DNAH5: variants seen among roughly 807,000 people sequenced by gnomAD.
The protein encoded by DNAH5 is dynein axonemal heavy chain 5, also known as axonemal beta dynein heavy chain 5.
In DNAH5, 372 loss-of-function variants were observed where a neutral mutation model predicts 518.2. The observed-to-expected ratio is 0.72, with a 90% confidence interval of 0.66 to 0.78. The LOEUF (loss-of-function observed/expected upper bound fraction) is 0.78, where lower values mean the gene tolerates loss of function less well. Ranked by LOEUF, DNAH5 falls within the 30% of genes least tolerant of loss-of-function variation. The pLI, the probability that DNAH5 is intolerant of heterozygous loss-of-function variation, is 0.00. For missense variants in DNAH5, 5,523 were observed against 5,687.0 expected, an observed-to-expected ratio of 0.97 and a Z score of 0.93; for synonymous variants, 2,039 against 2,025.9, an observed-to-expected ratio of 1.01 and a Z score of -0.17.
chr5:13,803,816 T>C (rs1759137504), intron 47 of DNAH5, among the ~76,000 whole-genome samples: 1 of 152,198 alleles, frequency 6.6e-6, no homozygotes, highest in Non-Finnish European at 1.5e-5. Context: ...CATGGTTACT[T>C]ATTTTATAGA....
rs375133229 is a variant in DNAH5 at position 13,721,231 on chromosome 5, G to A, written c.12048C>T (p.Ile4016=). 6.8e-6 allele frequency: 11 copies of A among 1,613,954 alleles called. No homozygotes were observed. Among genetic ancestry groups the A allele is most frequent in the African/African-American group, 4.0e-5 (3 of 74,900 alleles). Residue 4016 remains isoleucine, a synonymous_variant, in exon 71 of 79, where the codon ATC becomes ATT. Transcript: ENST00000265104. The stretch of plus-strand genomic sequence containing the variant: ...CATATTTTTCTCCCATGGAGTCCAC[G>A]ATGTACTTGCGGGCCTGCCAAAAAC... ...DRTIAQARKY[I]VDSMGEKYAE... is the part of the protein sequence containing the mutation.
intron 1 of DNAH5, among the ~76,000 whole-genome samples, chr5:14,008,083 A>G (rs1310473485): frequency 2.0e-5 from 3 of 152,072 alleles, no homozygotes; most frequent in Non-Finnish European, 2.9e-5. Context: ...GAGACAGGAA[A>G]ATCACTTGAA....
chr5:13,911,400 T>C lies in DNAH5; in HGVS notation c.1630A>G (p.Thr544Ala), dbSNP rs369145453. 3.7e-6 allele frequency: 6 copies of C among 1,613,592 alleles called. No homozygotes were observed. Among genetic ancestry groups the C allele is most frequent in the Non-Finnish European group, 4.2e-6 (5 of 1,179,624 alleles). ...ATACAACCTACATGAAGGTCATTAG[T>C]CTGCTTGCAAAACTCTTCGTAATCT... is the stretch of plus-strand genomic sequence containing the variant. ...DQDYEEFCKQ[T>A]NDLHNELRKF... is the part of the protein sequence containing the mutation. Residue 544 changes from threonine to alanine, a missense_variant, in exon 12 of 79, where the codon ACT (threonine) becomes GCT (alanine). Physicochemically the swap from Thr to Ala is moderately conservative, Grantham distance 58. Around this residue, in one of 3 missense-constraint regions of DNAH5, gnomAD observed 5,121 missense variants for 5,223.3 expected, o/e 0.98. Coordinates refer to ENST00000265104, the MANE Select transcript of DNAH5 (RefSeq NM_001369.3).
rs780868123 is a variant in DNAH5, at chr5:13,766,072, A to T, written c.10005T>A (p.Ser3335Arg). The change falls in exon 59 of 79, where the codon AGT (serine) becomes AGA (arginine). Residue 3335 changes from serine (S) to arginine (R), a missense_variant. Around this residue, in one of 3 missense-constraint regions of DNAH5, gnomAD observed 5,121 missense variants for 5,223.3 expected, o/e 0.98. Transcript: ENST00000265104. ...TTTTTTCCAGGTCAATTTTCACAGC[A>T]CTGACTTTCCTTTGAAACAGCAGCA... ...CVLLLFQRKVSAVKIDLEKSC... is the reference protein window; with the variant it reads ...CVLLLFQRKVRAVKIDLEKSC... 4 of 1,614,078 alleles carry T rather than the reference A, an allele frequency of 2.5e-6. No homozygotes were observed. Among genetic ancestry groups the T allele is most frequent in the Non-Finnish European group, 3.4e-6 (4 of 1,180,030 alleles).
At chr5:13,924,136 T>C (rs1476257804) in intron 3 of DNAH5, among the ~76,000 whole-genome samples, 1 of 152,172 alleles carries the variant, frequency 6.6e-6, no homozygotes, top group Non-Finnish European at 1.5e-5. Flanking sequence ...CAGCTCTGAC[T>C]ACAAAACTCG....
At chr5:13,811,611 T>TA (rs1760725722) in intron 44 of DNAH5, 36 bp downstream of exon 44, 1 of 1,597,932 alleles carries the variant, frequency 6.3e-7, no homozygotes, top group South Asian at 1.1e-5. Context: ...GCTAAGTTGA[T>TA]AAGAGAGAAT....
intron 65 of DNAH5, among the ~76,000 whole-genome samples, chr5:13,740,346 T>A (rs1002961544): frequency 8.6e-5 from 13 of 152,044 alleles, no homozygotes; most frequent in African/African-American, 3.1e-4. Context: ...ACATACTTCC[T>A]CTCTCAAAAC....
Position 13,839,509 on chromosome 5 carries a change from C to T in DNAH5, c.5729G>A (p.Ser1910Asn), listed in dbSNP as rs1314064272. The T allele has an allele frequency of 6.2e-7, 1 of 1,613,810 alleles. No individual in the cohort carries two copies. Among genetic ancestry groups the T allele is most frequent in the Admixed American group, 1.7e-5 (1 of 60,000 alleles). Residue 1910 changes from serine (S) to asparagine (N), a missense_variant, in exon 35 of 79, where the codon AGT becomes AAT. This residue lies in a region of DNAH5 where 5,121 missense variants were observed against 5,223.3 expected (regional missense o/e 0.98). Transcript: ENST00000265104. ...TTTCAGCCACTCAAAGTCCATGGGACTCTTGATATGCATATGACACTGAAA... is the reference window on the plus strand; with the variant it reads ...TTTCAGCCACTCAAAGTCCATGGGATTCTTGATATGCATATGACACTGAAA... ...FDDLCHMHIK[S>N]PMDFEWLKQC...
chr5:13,710,935 C>T (rs1743402402), intron 75 of DNAH5, among the ~76,000 whole-genome samples: 1 of 152,136 alleles, frequency 6.6e-6, no homozygotes, highest in Admixed American at 6.5e-5. Flanking sequence ...TTCTGCTAGA[C>T]ATTCAAAGAA....
At chr5:13,760,965 A>G (rs1484533797) in intron 60 of DNAH5, among the ~76,000 whole-genome samples, 1 of 152,232 alleles carries the variant, frequency 6.6e-6, no homozygotes, top group Non-Finnish European at 1.5e-5. Flanking sequence ...CTGACGTAAG[A>G]GGAACCTGAC....
intron 42 of DNAH5, among the ~76,000 whole-genome samples, chr5:13,817,248 C>T (rs988987821): frequency 1.1e-4 from 17 of 152,142 alleles, no homozygotes; most frequent in African/African-American, 4.1e-4. Context: ...ATGGTAAAAT[C>T]ACTTTATTCA....
At chr5:13,736,837 A>C (rs1020029367) in intron 66 of DNAH5, among the ~76,000 whole-genome samples, 3 of 152,194 alleles carry the variant, frequency 2.0e-5, no homozygotes, top group Non-Finnish European at 2.9e-5. Context: ...GCTGAGGATA[A>C]AAATCTCCCA....
At chr5:13,885,753 T>C (rs1772331682) in intron 18 of DNAH5, among the ~76,000 whole-genome samples, 2 of 152,190 alleles carry the variant, frequency 1.3e-5, no homozygotes, top group Admixed American at 1.3e-4. Flanking sequence ...GCAAAGTGCA[T>C]GTTTGCAAAG....
chr5:13,754,345 A>C lies in DNAH5; in HGVS notation c.10420-7T>G. The C allele has an allele frequency of 6.2e-7, 1 of 1,614,066 alleles. No homozygotes were observed. The highest frequency in any genetic ancestry group is 1.1e-5 in the South Asian group (1 of 91,084). On this transcript the variant is annotated splice_polypyrimidine_tract_variant and splice_region_variant and intron_variant, in intron 61 of 78. Transcript: ENST00000265104. ...CTGCATCTTCAAGCAAGGTCTAACAAAGGTCATAATCACAAGAAAGCTTTT... is the reference window on the plus strand; with the variant it reads ...CTGCATCTTCAAGCAAGGTCTAACACAGGTCATAATCACAAGAAAGCTTTT...
intron 12 of DNAH5, among the ~76,000 whole-genome samples, chr5:13,909,056 C>T (rs575425808): frequency 1.1e-4 from 17 of 152,218 alleles, no homozygotes; most frequent in African/African-American, 3.4e-4. Flanking sequence ...AACTCATTGG[C>T]AAACCAAAGA....
intron 21 of DNAH5, among the ~76,000 whole-genome samples, chr5:13,878,745 A>G (rs549401523): frequency 6.6e-6 from 1 of 152,328 alleles, no homozygotes; most frequent in East Asian, 1.9e-4. Flanking sequence ...TGGATGTACA[A>G]TGGGCCAACT....
In DNAH5 at chr5:13,871,704, T is replaced by C. The variant is rs1207090816; in HGVS notation, c.3458A>G (p.Glu1153Gly). The change falls in exon 23 of 79, where the codon GAA becomes GGA. Residue 1153 changes from glutamate to glycine, a missense_variant. Physicochemically the swap from Glu to Gly is moderately conservative, Grantham distance 98 (BLOSUM62 -2). Transcript: ENST00000265104. ...RYNHIWQKGK[E>G]EAIKTFITQS... ...TGTAATAAATGTCTTAATGGCTTCT[T>C]CTTTTCCCTTTTGCCAAATGTGATT... 3 of 1,613,810 alleles carry C rather than the reference T, an allele frequency of 1.9e-6. No homozygotes were observed. Among genetic ancestry groups the C allele is most frequent in the Non-Finnish European group, 1.7e-6 (2 of 1,179,822 alleles).
chr5:13,981,848 T>TC (rs1782694248), intron 1 of DNAH5, among the ~76,000 whole-genome samples: 1 of 152,172 alleles, frequency 6.6e-6, no homozygotes, highest in African/African-American at 2.4e-5. Context: ...CCCAAGGCCA[T>TC]CCACCCATAA....
In DNAH5 at chr5:13,988,727, C is replaced by CTTTTT. The variant is rs528130556; in HGVS notation, c.12+22916_12+22920dup. ...ATGAGCCACTGCACCCAGCCCAAAT[C>CTTTTT]TTTTTTTTTTTTGAGACAGAGTCTT... On this transcript the variant is annotated intron_variant, in intron 1 of 78. Coordinates refer to the DNAH5 transcript ENST00000681290. Among the ~76,000 whole-genome samples, 10 of 126,630 alleles carry CTTTTT rather than the reference C, an allele frequency of 7.9e-5. 2 individuals carry two copies. Among genetic ancestry groups the CTTTTT allele is most frequent in the East Asian group, 2.7e-4 (1 of 3,730 alleles). 83.1% of individuals were successfully genotyped at this position (126,630 alleles called of 152,430 possible). A position where few individuals can be genotyped will look rare whatever the true frequency, so the allele number is the denominator to read the frequency against.
Sources: gnomAD v4.1 joint callset for allele counts (sites outside exome capture counted in the v4.1 genomes callset) on GRCh38, gnomAD v4.1.1 for gene constraint, gnomAD v4.1.1 regional missense constraint, MANE v1.5 for transcripts, NCBI Gene and HGNC (gene_info 2026-07-23, HGNC 2026-07-21) for gene names.